The following TG variants were observed in gnomAD, a reference collection of about 807,000 sequenced individuals.
TG encodes thyroid hormones.
Under a neutral mutation model 324.7 loss-of-function variants are expected in TG, and 270 were observed. That is an observed-to-expected ratio of 0.83 (90% CI 0.75 to 0.92). The LOEUF (loss-of-function observed/expected upper bound fraction) is 0.92. TG is among the 40% of genes least tolerant of loss of function. The probability of loss-of-function intolerance (pLI) is 0.00; values close to 1 mark genes in which losing one functional copy is unlikely to be tolerated. For missense variants in TG, 3,591 were observed against 3,456.4 expected, an observed-to-expected ratio of 1.04 and a Z score of -0.98; for synonymous variants, 1,401 against 1,327.0, an observed-to-expected ratio of 1.06 and a Z score of -1.21.
intron 34 of TG, 89 bp downstream of exon 34, chr8:132,972,830 G>A: frequency 6.5e-7 from 1 of 1,528,902 alleles, no homozygotes; most frequent in South Asian, 1.1e-5. Context: ...GGATTGGTGA[G>A]TAGATTAATG....
At chr8:132,908,987 G>A (rs992409766) in intron 18 of TG, among the ~76,000 whole-genome samples, 2 of 152,190 alleles carry the variant, frequency 1.3e-5, no homozygotes, top group Non-Finnish European at 2.9e-5. Flanking sequence ...TGAGGGAACC[G>A]GTATGAGTGA....
rs142742036 is a variant in TG at position 133,048,126 on chromosome 8, C to G, written c.7239+18103C>G. Among the ~76,000 whole-genome samples the G allele has an allele frequency of 9.2e-5, 14 of 152,266 alleles. No homozygotes were observed. In the East Asian group the frequency reaches 2.7e-3, roughly 29 times the overall value. On this transcript the variant is annotated intron_variant, in intron 41 of 47. Coordinates refer to ENST00000220616, the MANE Select transcript of TG (RefSeq NM_003235.5). ...TGATTAAGTAGTTTGCTCAGGAAAC[C>G]ATGTCAGCAGTTGATAGAGTTAAAA...
At chr8:132,903,987 C>T (rs1279480572) in intron 16 of TG, among the ~76,000 whole-genome samples, 1 of 152,250 alleles carries the variant, frequency 6.6e-6, no homozygotes, top group Admixed American at 6.5e-5. Context: ...AGGGGATGGA[C>T]TTGCTCAGAT....
At chr8:133,089,761 C>G (rs1847201249) in intron 41 of TG, among the ~76,000 whole-genome samples, 1 of 152,136 alleles carries the variant, frequency 6.6e-6, no homozygotes, top group South Asian at 2.1e-4. Context: ...ACTTAGGACC[C>G]AGCTCCTGTC....
Position 132,901,579 on chromosome 8 carries a change from G to A in TG, c.3634+26G>A, listed in dbSNP as rs201985618. 19 of 1,603,964 alleles carry A rather than the reference G, an allele frequency of 1.2e-5. No homozygotes were observed. In the East Asian group the frequency reaches 1.6e-4, roughly 13 times the overall value. ...GTAAGTCATGACCCCCTGGGGGGAC[G>A]ACGAGGCCTGCATATCTGTTCTTTG... is the stretch of plus-strand genomic sequence containing the variant. On this transcript the variant is annotated intron_variant, in intron 16 of 47. Transcript: ENST00000220616.
intron 45 of TG, among the ~76,000 whole-genome samples, chr8:133,131,211 C>T (rs1851924601): frequency 1.3e-5 from 2 of 152,232 alleles, no homozygotes; most frequent in South Asian, 2.1e-4. Flanking sequence ...CAGCTCCAGC[C>T]CAGGCCATTC....
chr8:133,117,961 T>C (rs966512656), intron 45 of TG, among the ~76,000 whole-genome samples: 15 of 152,194 alleles, frequency 9.9e-5, no homozygotes, highest in African/African-American at 3.6e-4. Flanking sequence ...CCTCTTAGGG[T>C]TGGCATTGAC....
intron 27 of TG, among the ~76,000 whole-genome samples, chr8:132,956,856 G>A (rs1826956143): frequency 6.6e-6 from 1 of 152,134 alleles, no homozygotes. Context: ...GGTAAGGCTT[G>A]AGCTGAGAGG....
At chr8:133,054,533 T>G (rs1356227048) in intron 41 of TG, among the ~76,000 whole-genome samples, 2 of 152,318 alleles carry the variant, frequency 1.3e-5, no homozygotes, top group Non-Finnish European at 1.5e-5. Flanking sequence ...ATGCATTGCA[T>G]TTTAGGGCCT....
intron 16 of TG, among the ~76,000 whole-genome samples, chr8:132,905,533 T>A (rs1434630721): frequency 1.3e-5 from 2 of 152,160 alleles, no homozygotes; most frequent in Admixed American, 1.3e-4. Flanking sequence ...CTGAGTCTGA[T>A]AATGAACAAA....
intron 35 of TG, among the ~76,000 whole-genome samples, chr8:132,992,346 C>G (rs974039981): frequency 5.9e-5 from 9 of 152,096 alleles, no homozygotes; most frequent in Non-Finnish European, 1.0e-4. Context: ...GGCCTTCTGG[C>G]CGGAGGACAA....
chr8:133,067,192 T>C (rs2739142), intron 41 of TG, among the ~76,000 whole-genome samples: 127,106 of 152,080 alleles, frequency 0.84, 53,562 homozygotes, highest in African/African-American at 0.94. Context: ...TGCACCTCTC[T>C]GAGTGCGAGG....
In TG at chr8:133,116,664, G is replaced by A. The variant is rs888902596; in HGVS notation, c.7810G>A (p.Ala2604Thr). The A allele has an allele frequency of 6.2e-7, 1 of 1,614,232 alleles. No homozygotes were observed. The highest frequency in any genetic ancestry group is 2.2e-5 in the East Asian group (1 of 44,878). ...IDMASAWAKR[A>T]RGNVFMYHAP... ...CATGGCCAGTGCCTGGGCAAAGAGGGCCCGAGGAAACGTCTTCATGTACCA... is the reference window on the plus strand; with the variant it reads ...CATGGCCAGTGCCTGGGCAAAGAGGACCCGAGGAAACGTCTTCATGTACCA... Residue 2604 changes from alanine (A) to threonine (T), a missense_variant, in exon 45 of 48, where the codon GCC becomes ACC. By Grantham distance (58) the Ala-to-Thr change is moderately conservative. Transcript: ENST00000220616.
intron 41 of TG, among the ~76,000 whole-genome samples, chr8:133,031,120 A>G (rs917696264): frequency 2.0e-5 from 3 of 151,970 alleles, no homozygotes; most frequent in Non-Finnish European, 4.4e-5. Flanking sequence ...AACAACCCCC[A>G]TCTCCTCATT....
chr8:133,114,174 T>C (rs1456138081), intron 44 of TG, among the ~76,000 whole-genome samples: 1 of 152,214 alleles, frequency 6.6e-6, no homozygotes, highest in Non-Finnish European at 1.5e-5. Context: ...TTGTGGCTGA[T>C]ACCACTCCCC....
At chr8:133,121,616 T>G (rs1851148395) in intron 45 of TG, among the ~76,000 whole-genome samples, 1 of 152,228 alleles carries the variant, frequency 6.6e-6, no homozygotes, top group Non-Finnish European at 1.5e-5. Flanking sequence ...AAACATATCC[T>G]TGAGTCTTAT....
At chr8:133,061,839 G>A (rs1057001825) in intron 41 of TG, among the ~76,000 whole-genome samples, 8 of 152,158 alleles carry the variant, frequency 5.3e-5, no homozygotes, top group African/African-American at 9.7e-5. Flanking sequence ...GGCCCTCCCC[G>A]GGTTGAGGGA....
chr8:132,995,343 G>A (rs1285513578), intron 35 of TG: 1 of 985,042 alleles, frequency 1.0e-6, no homozygotes, highest in Non-Finnish European at 1.2e-6. Flanking sequence ...AGCTGCTCCT[G>A]CTCCTGCAGA....
chr8:133,041,931 T>C (rs945996852), intron 41 of TG, among the ~76,000 whole-genome samples: 1 of 151,682 alleles, frequency 6.6e-6, no homozygotes, highest in African/African-American at 2.4e-5. Context: ...GGGATTACAG[T>C]TGCATGCCAC....
Sources: gnomAD v4.1 joint callset for allele counts (sites outside exome capture counted in the v4.1 genomes callset) on GRCh38, gnomAD v4.1.1 for gene constraint, MANE v1.5 for transcripts, NCBI Gene and HGNC (gene_info 2026-07-23, HGNC 2026-07-21) for gene names.